TMEM245: variants seen among roughly 807,000 people sequenced by gnomAD.
The protein encoded by TMEM245 is transmembrane protein 245, also known as protein CG-2.
TMEM245 carries 69 observed loss-of-function variants against 101.2 expected under a neutral mutation model. That is an observed-to-expected ratio of 0.68 (90% CI 0.56 to 0.83). The LOEUF is 0.83. Ranked by LOEUF, TMEM245 falls within the 40% of genes least tolerant of loss-of-function variation. The pLI is 0.00. For missense variants in TMEM245, 1,075 were observed against 1,092.8 expected (o/e 0.98, Z 0.23); for synonymous variants, 537 against 449.8 (o/e 1.19, Z -2.45).
Position 109,018,900 on chromosome 9 carries a change from AT to A in TMEM245, c.*1559del, listed in dbSNP as rs34086900. ...ATAGCCACACCACCGTGCCCAGCTAATTTTTTTTTTTTTTTTTTTTTTTTTG... is the reference window on the plus strand; with the variant it reads ...ATAGCCACACCACCGTGCCCAGCTAATTTTTTTTTTTTTTTTTTTTTTTTG... On this transcript the variant is annotated 3_prime_UTR_variant, in exon 18 of 18. Coordinates refer to ENST00000374586, the MANE Select transcript of TMEM245 (RefSeq NM_032012.4). 1,515 of 79,812 alleles carry A rather than the reference AT, an allele frequency of 0.019. 15 individuals carry two copies. The highest frequency in any genetic ancestry group is 0.079 in the African/African-American group (1,413 of 17,868). 4.9% of individuals were successfully genotyped at this position (79,812 alleles called of 1,614,324 possible).
At chr9:109,074,910 G>A (rs1264545761) in intron 8 of TMEM245, among the ~76,000 whole-genome samples, 2 of 152,184 alleles carry the variant, frequency 1.3e-5, no homozygotes, top group African/African-American at 4.8e-5. Flanking sequence ...ATCAACTCAG[G>A]TGCAATGCCT....
At chr9:109,036,496 C>T (rs765869822) in intron 15 of TMEM245, 116 bp from the exon 16 acceptor site, 255 of 1,001,648 alleles carry the variant, frequency 2.5e-4, no homozygotes, top group Non-Finnish European at 3.4e-4. Context: ...GTTAAATACT[C>T]ACAAACTCAA....
At chr9:109,054,433 G>A (rs1362645679) in intron 12 of TMEM245, among the ~76,000 whole-genome samples, 1 of 152,126 alleles carries the variant, frequency 6.6e-6, no homozygotes, top group Admixed American at 6.6e-5. Context: ...CCAGAAGATT[G>A]GGTACAAACA....
At chr9:109,067,157 C>T (rs1353398850) in intron 9 of TMEM245, among the ~76,000 whole-genome samples, 1 of 152,044 alleles carries the variant, frequency 6.6e-6, no homozygotes, top group Admixed American at 6.6e-5. Flanking sequence ...TCTTATTGGC[C>T]ACTATGAAAA....
chr9:109,045,509 C>G (rs916445498), intron 14 of TMEM245, among the ~76,000 whole-genome samples: 1 of 152,120 alleles, frequency 6.6e-6, no homozygotes, highest in African/African-American at 2.4e-5. Flanking sequence ...TATTTTCATA[C>G]AGTAATACAT....
chr9:109,035,689 G>C (rs1399322800), intron 16 of TMEM245, among the ~76,000 whole-genome samples: 1 of 151,934 alleles, frequency 6.6e-6, no homozygotes, highest in Non-Finnish European at 1.5e-5. Flanking sequence ...TCTTTTCTAG[G>C]TTAAATGTCA....
intron 15 of TMEM245, among the ~76,000 whole-genome samples, chr9:109,037,088 G>T (rs568368604): frequency 1.4e-4 from 22 of 152,140 alleles, no homozygotes; most frequent in Non-Finnish European, 2.4e-4. Context: ...AATAGGGAAA[G>T]GGGGGGATGT....
At chr9:109,072,841 T>TA (rs1050290162) in intron 9 of TMEM245, among the ~76,000 whole-genome samples, 2 of 152,170 alleles carry the variant, frequency 1.3e-5, no homozygotes, top group African/African-American at 4.8e-5. Context: ...CCTCATTTCT[T>TA]AAAAATAAAT....
rs1827506867 is a variant in TMEM245 at position 109,018,244 on chromosome 9, A to G, written c.*2216T>C. ...ATTACATCTATAAATCAACCAGTAT[A>G]TAATTAACAAAAACAAATGATTTTT... On this transcript the variant is annotated 3_prime_UTR_variant, in exon 18 of 18. Transcript: ENST00000374586. The G allele has an allele frequency of 6.6e-6, 1 of 152,236 alleles. No individual in the cohort carries two copies. Among genetic ancestry groups the G allele is most frequent in the African/African-American group, 2.4e-5 (1 of 41,460 alleles). 9.4% of individuals were successfully genotyped at this position (152,236 alleles called of 1,614,324 possible). A position where few individuals can be genotyped will look rare whatever the true frequency, so the allele number is the denominator to read the frequency against.
chr9:109,110,241 A>T (rs1279959991), intron 1 of TMEM245, among the ~76,000 whole-genome samples: 1 of 152,162 alleles, frequency 6.6e-6, no homozygotes, highest in Non-Finnish European at 1.5e-5. Flanking sequence ...TAGTACACTT[A>T]TATAACACTC....
At chr9:109,036,142 T>TAA in intron 16 of TMEM245, 64 bp downstream of exon 16, 3 of 1,348,360 alleles carry the variant, frequency 2.2e-6, no homozygotes, top group Non-Finnish European at 2.0e-6. Flanking sequence ...AAATCCTCCT[T>TAA]TAAAAAAAAA....
At chr9:109,087,539 T>C (rs1434357953) in intron 5 of TMEM245, among the ~76,000 whole-genome samples, 197 bp from the exon 6 acceptor site, 4 of 152,096 alleles carry the variant, frequency 2.6e-5, no homozygotes, top group Non-Finnish European at 5.9e-5. Flanking sequence ...TTTCAAACCA[T>C]CCCCACCTGC....
intron 15 of TMEM245, among the ~76,000 whole-genome samples, chr9:109,037,575 A>G (rs1468186986): frequency 6.6e-6 from 1 of 152,130 alleles, no homozygotes; most frequent in African/African-American, 2.4e-5. Flanking sequence ...AAACTGTGGT[A>G]GCACCTCTCC....
At chr9:109,033,605 T>C (rs1404887030) in intron 16 of TMEM245, 104 bp from the exon 17 acceptor site, 3 of 1,137,910 alleles carry the variant, frequency 2.6e-6, no homozygotes, top group Non-Finnish European at 3.6e-6. Context: ...TTTTAGCATA[T>C]TATCAGCTTT....
intron 3 of TMEM245, among the ~76,000 whole-genome samples, chr9:109,096,654 C>G (rs1830149156): frequency 6.6e-6 from 1 of 152,072 alleles, no homozygotes; most frequent in Non-Finnish European, 1.5e-5. Context: ...TGGGACAGTA[C>G]AGTAGAAAAA....
Position 109,033,291 on chromosome 9 carries a change from T to A in TMEM245, c.2594+16A>T. 1 of 1,580,416 alleles carries A rather than the reference T, an allele frequency of 6.3e-7. No homozygotes were observed. The highest frequency in any genetic ancestry group is 2.2e-5 in the East Asian group (1 of 44,654). On this transcript the variant is annotated intron_variant, in intron 17 of 17. Coordinates refer to ENST00000374586, the MANE Select transcript of TMEM245 (RefSeq NM_032012.4). ...AATGTATAAATACAGCTTATGATTA[T>A]TCTGCTTTAACTCACCGCTGAGGCT...
intron 5 of TMEM245, among the ~76,000 whole-genome samples, chr9:109,087,899 G>A (rs1829888040): frequency 6.6e-6 from 1 of 152,168 alleles, no homozygotes; most frequent in African/African-American, 2.4e-5. Context: ...AGATGCCAGG[G>A]TTCAGTAGAG....
intron 1 of TMEM245, among the ~76,000 whole-genome samples, chr9:109,114,561 G>A (rs189362857): frequency 6.2e-4 from 94 of 152,306 alleles, no homozygotes; most frequent in African/African-American, 2.1e-3. Flanking sequence ...AACTTCAGGT[G>A]TTTTTATCTT....
chr9:109,092,110 T>C (rs7848061), intron 4 of TMEM245, among the ~76,000 whole-genome samples: 20,504 of 152,246 alleles, frequency 0.13, 1,625 homozygotes, highest in African/African-American at 0.19. Flanking sequence ...GTTCTACTTA[T>C]CCTTTCTCAT....
Sources: gnomAD v4.1 joint callset for allele counts (sites outside exome capture counted in the v4.1 genomes callset) on GRCh38, gnomAD v4.1.1 for gene constraint, MANE v1.5 for transcripts, NCBI Gene and HGNC (gene_info 2026-07-23, HGNC 2026-07-21) for gene names.